TPGS2: variants seen among roughly 807,000 people sequenced by gnomAD.
TPGS2 encodes the protein polyglutamylase subunit 2.
A neutral mutation model predicts 31.1 loss-of-function variants in TPGS2; 26 were observed. The ratio of observed to expected loss-of-function variants is 0.84; its 90% CI spans 0.61 to 1.16. The LOEUF (loss-of-function observed/expected upper bound fraction) is 1.16. Ranked by LOEUF, TPGS2 falls within the 50% of genes most tolerant of loss-of-function variation. TPGS2 has a pLI of 0.00. For synonymous variants in TPGS2, 130 were observed against 136.6 expected, an observed-to-expected ratio of 0.95 and a Z score of 0.34; for missense variants, 351 against 363.8, an observed-to-expected ratio of 0.96 and a Z score of 0.29.
chr18:36,786,535 G>A (rs12326862), intron 6 of TPGS2: 8,747 of 213,930 alleles, frequency 0.041, 815 homozygotes, highest in African/African-American at 0.19. Flanking sequence ...TATTCTTTAA[G>A]TGTAGGGAGG....
chr18:36,806,985 C>G (rs1347389863), intron 3 of TPGS2, among the ~76,000 whole-genome samples: 1 of 150,268 alleles, frequency 6.7e-6, no homozygotes, highest in Non-Finnish European at 1.5e-5. Context: ...GGGGAGAAGT[C>G]TGCTCTGTAG....
downstream of TPGS2, among the ~76,000 whole-genome samples, chr18:36,781,526 C>T (rs2044015622): frequency 6.6e-6 from 1 of 152,034 alleles, no homozygotes; most frequent in African/African-American, 2.4e-5. Context: ...GTGGCACATC[C>T]CTGTAATCCC....
At chr18:36,793,901 C>G (rs1173975334), downstream of TPGS2, among the ~76,000 whole-genome samples, 2 of 152,002 alleles carry the variant, frequency 1.3e-5, no homozygotes, top group Non-Finnish European at 2.9e-5. Context: ...CCACGCCCGG[C>G]TAATTTTTGT....
chr18:36,784,760 C>G (rs1405094608), intron 6 of TPGS2, among the ~76,000 whole-genome samples: 1 of 152,154 alleles, frequency 6.6e-6, no homozygotes, highest in African/African-American at 2.4e-5. Flanking sequence ...AATAACTCTC[C>G]AATGACAGAA....
At chr18:36,822,238 C>A (rs1411941640) in intron 1 of TPGS2, among the ~76,000 whole-genome samples, 3 of 152,178 alleles carry the variant, frequency 2.0e-5, no homozygotes, top group Non-Finnish European at 2.9e-5. Flanking sequence ...AGAAACACTG[C>A]AAATATATTG....
chr18:36,828,437 T>C (rs2046299408), intron 1 of TPGS2, among the ~76,000 whole-genome samples: 1 of 152,160 alleles, frequency 6.6e-6, no homozygotes, highest in Non-Finnish European at 1.5e-5. Flanking sequence ...GGGTGGGACC[T>C]TGGTTGGCGG....
intron 4 of TPGS2, among the ~76,000 whole-genome samples, chr18:36,800,831 C>T (rs900852163): frequency 3.3e-5 from 5 of 151,960 alleles, no homozygotes; most frequent in Admixed American, 1.3e-4. Context: ...CTGGGACTAC[C>T]GGCATGTGCC....
At chr18:36,818,561 T>A in intron 2 of TPGS2, 1 of 206,488 alleles carries the variant, frequency 4.8e-6, no homozygotes, top group Non-Finnish European at 9.8e-6. Flanking sequence ...AGTAGTTATG[T>A]GCAACACTTA....
At position 36,819,032 on chromosome 18, in the gene TPGS2, G is replaced by A. The variant is rs540534821; in HGVS notation, c.86-59C>T. 232 of 1,388,990 alleles carry A rather than the reference G, an allele frequency of 1.7e-4. 1 individual carries two copies. Among genetic ancestry groups the A allele is most frequent in the South Asian group, 7.1e-4 (58 of 81,920 alleles). The allele number at this position is 1,388,990 out of a possible 1,614,324, so 86.0% of individuals were successfully genotyped here. Reference sequence around the variant, plus strand: ...TTGGTCCGCTGTCATACATTTCTACGCTAGTTGTTGACTAACTGTTGATGA... The same window carrying A: ...TTGGTCCGCTGTCATACATTTCTACACTAGTTGTTGACTAACTGTTGATGA... On this transcript the variant is annotated intron_variant, in intron 1 of 6. Transcript: ENST00000334295.
chr18:36,798,673 G>A (rs1308174533), intron 5 of TPGS2, 64 bp from the exon 6 acceptor site: 1 of 1,566,296 alleles, frequency 6.4e-7, no homozygotes, highest in Non-Finnish European at 8.7e-7. Context: ...CTTTTTAACT[G>A]TAAAAGGTTA....
Position 36,794,921 on chromosome 18 carries a change from G to A in TPGS2, c.*1884C>T, listed in dbSNP as rs2044457376. ...CACTGAATTATAAGTGGTTAGTTTTGGGATTGAAAAGGTAAGAGGTCTCGC... is the reference window on the plus strand; with the variant it reads ...CACTGAATTATAAGTGGTTAGTTTTAGGATTGAAAAGGTAAGAGGTCTCGC... On this transcript the variant is annotated 3_prime_UTR_variant, in exon 7 of 7. Transcript: ENST00000334295. The A allele has an allele frequency of 1.0e-6, 1 of 984,632 alleles. No individual in the cohort carries two copies. Among genetic ancestry groups the A allele is most frequent in the African/African-American group, 1.8e-5 (1 of 56,912 alleles). 61.0% of individuals were successfully genotyped at this position (984,632 alleles called of 1,614,324 possible).
At chr18:36,810,381 C>T (rs753330763) in intron 2 of TPGS2, among the ~76,000 whole-genome samples, 2 of 152,066 alleles carry the variant, frequency 1.3e-5, no homozygotes, top group Non-Finnish European at 1.5e-5. Context: ...GACTCAGTTA[C>T]TGCCGTTTTA....
intron 1 of TPGS2, among the ~76,000 whole-genome samples, chr18:36,820,786 G>C (rs1304532110): frequency 6.6e-6 from 1 of 152,186 alleles, no homozygotes; most frequent in East Asian, 1.9e-4. Context: ...ACATTTTGCG[G>C]ATGTTTGGAA....
Position 36,807,916 on chromosome 18 carries a change from G to GCAT in TPGS2, c.181_183dup (p.Met61dup), listed in dbSNP as rs1478825373. 2.0e-5 allele frequency: 33 copies of GCAT among 1,614,094 alleles called. No homozygotes were observed. The highest frequency in any genetic ancestry group is 2.8e-5 in the Non-Finnish European group (33 of 1,180,010). ...AGGTAAAAGTTCTTCACATCTTCAGGCATCACACAGTTATTCTTCTAGAAT... is the reference window on the plus strand; with the variant it reads ...AGGTAAAAGTTCTTCACATCTTCAGGCATCATCACACAGTTATTCTTCTAGAAT... On this transcript the variant is annotated inframe_insertion, in exon 3 of 7. Transcript: ENST00000334295.
chr18:36,823,460 G>GTTTTTTTTTTTTTTTTTTTT lies in TPGS2; in HGVS notation c.86-4488_86-4487insAAAAAAAAAAAAAAAAAAAA, dbSNP rs919277214. On this transcript the variant is annotated intron_variant, in intron 1 of 6. Coordinates refer to ENST00000334295, the MANE Select transcript of TPGS2 (RefSeq NM_015476.4). ...TCTCTGACTTCCTTGTTAACAGCTTGTTTTTTTTTTTTTTTTTTGAGACGG... is the reference window on the plus strand; with the variant it reads ...TCTCTGACTTCCTTGTTAACAGCTTGTTTTTTTTTTTTTTTTTTTTTTTTTTTTTTTTTTTTTTGAGACGG... Among the ~76,000 whole-genome samples the GTTTTTTTTTTTTTTTTTTTT allele has an allele frequency of 1.5e-4, 16 of 108,092 alleles. 1 individual carries two copies. The highest frequency in any genetic ancestry group is 2.0e-4 in the Non-Finnish European group (11 of 54,598). The allele number at this position is 108,092 out of a possible 152,430, so 70.9% of individuals were successfully genotyped here. A position where few individuals can be genotyped will look rare whatever the true frequency, so the allele number is the denominator to read the frequency against.
At chr18:36,811,544 G>GA (rs1314787333) in intron 2 of TPGS2, among the ~76,000 whole-genome samples, 2 of 152,136 alleles carry the variant, frequency 1.3e-5, no homozygotes, top group African/African-American at 4.8e-5. Context: ...GCAACCTTCA[G>GA]AAGAGTAATA....
chr18:36,794,827 GT>G lies in TPGS2; in HGVS notation c.*1977del, dbSNP rs2044446108. 1.1e-6 allele frequency: 1 copy of G among 915,804 alleles called. No homozygotes were observed. The highest frequency in any genetic ancestry group is 8.0e-5 in the Admixed American group (1 of 12,434). 56.7% of individuals were successfully genotyped at this position (915,804 alleles called of 1,614,324 possible). On this transcript the variant is annotated 3_prime_UTR_variant, in exon 7 of 7. Transcript: ENST00000334295. ...GAGAATATGTGACAGTCATGTTATG[GT>G]TAAAACACACACACACACACACACA... is the stretch of plus-strand genomic sequence containing the variant.
Position 36,796,862 on chromosome 18 carries a change from G to A in TPGS2, c.846C>T (p.Pro282=). 6.2e-7 allele frequency: 1 copy of A among 1,607,994 alleles called. No homozygotes were observed. The highest frequency in any genetic ancestry group is 8.5e-7 in the Non-Finnish European group (1 of 1,178,156). ...GQKGPSGPSG[P]STSSTSKSSS... is the part of the protein sequence containing the mutation. ...AGGATTTAGAAGTGGAGGAAGTGGAGGGACCGGAGGGTCCTGAGGGCCCTT... is the reference window on the plus strand; with the variant it reads ...AGGATTTAGAAGTGGAGGAAGTGGAAGGACCGGAGGGTCCTGAGGGCCCTT... The change falls in exon 7 of 7, where the codon CCC becomes CCT. Residue 282 remains proline (P), a synonymous_variant. Transcript: ENST00000334295.
intron 2 of TPGS2, among the ~76,000 whole-genome samples, chr18:36,808,619 CAA>C (rs2045279426): frequency 6.6e-6 from 1 of 150,664 alleles, no homozygotes; most frequent in Non-Finnish European, 1.5e-5. Context: ...GCCTGGGTGA[CAA>C]AGAGAGACTC....
Sources: allele counts gnomAD v4.1 joint callset (sites outside exome capture counted in the v4.1 genomes callset), GRCh38; gene constraint gnomAD v4.1.1; transcripts MANE v1.5; gene names NCBI Gene and HGNC (gene_info 2026-07-23, HGNC 2026-07-21).